TYR: variants seen among roughly 807,000 people sequenced by gnomAD.
TYR encodes tyrosinase.
Under a neutral mutation model 51.5 loss-of-function variants are expected in TYR, and 58 were observed. That is an observed-to-expected ratio of 1.13 (90% CI 0.91 to 1.40). The LOEUF (loss-of-function observed/expected upper bound fraction) is 1.40. Ranked by LOEUF, TYR falls within the 40% of genes most tolerant of loss-of-function variation. The probability of loss-of-function intolerance (pLI) is 0.00; values close to 1 mark genes in which losing one functional copy is unlikely to be tolerated. For synonymous variants in TYR, 263 were observed against 235.2 expected, an observed-to-expected ratio of 1.12 and a Z score of -1.08; for missense variants, 732 against 647.4, an observed-to-expected ratio of 1.13 and a Z score of -1.42.
At chr11:89,207,741 A>G (rs545709488) in intron 2 of TYR, among the ~76,000 whole-genome samples, 1 of 152,328 alleles carries the variant, frequency 6.6e-6, no homozygotes, top group South Asian at 2.1e-4. Flanking sequence ...TGCATATAAA[A>G]AGAATTTTAT....
intron 3 of TYR, among the ~76,000 whole-genome samples, chr11:89,229,435 G>T (rs533310988): frequency 4.6e-5 from 7 of 151,840 alleles, no homozygotes; most frequent in Non-Finnish European, 1.0e-4. Flanking sequence ...TCACTTTTTG[G>T]TGTAAATTTT....
chr11:89,232,883 G>A (rs1342284960), intron 3 of TYR, among the ~76,000 whole-genome samples: 1 of 143,182 alleles, frequency 7.0e-6, no homozygotes, highest in Non-Finnish European at 1.5e-5. Flanking sequence ...TGCTGGGGGA[G>A]GGTCTTGCCT....
At chr11:89,209,834 C>G (rs1168957162) in intron 2 of TYR, among the ~76,000 whole-genome samples, 1 of 152,074 alleles carries the variant, frequency 6.6e-6, no homozygotes, top group Non-Finnish European at 1.5e-5. Flanking sequence ...GGGTCTGGAG[C>G]GGACCTCAAG....
chr11:89,185,090 T>C (rs1943352630), intron 1 of TYR, among the ~76,000 whole-genome samples: 1 of 152,222 alleles, frequency 6.6e-6, no homozygotes, highest in Admixed American at 6.5e-5. Flanking sequence ...ATTATTATTC[T>C]ATACGTCTCG....
rs373716688 is a variant in TYR at position 89,249,924 on chromosome 11, C to A, written c.1184+21954C>A. On this transcript the variant is annotated intron_variant, in intron 3 of 4. Transcript: ENST00000263321. ...GAGTTGGAAGGAAGCTTCCTTCATG[C>A]CTGAATGGAGACACAAGATAGAGTA... is the stretch of plus-strand genomic sequence containing the variant. Among the ~76,000 whole-genome samples, 45 of 151,988 alleles carry A rather than the reference C, an allele frequency of 3.0e-4. 1 individual carries two copies. The highest frequency in any genetic ancestry group is 9.6e-4 in the African/African-American group (40 of 41,490).
intron 2 of TYR, 98 bp downstream of exon 2, chr11:89,191,516 T>C: frequency 8.3e-7 from 1 of 1,199,118 alleles, no homozygotes; most frequent in South Asian, 1.3e-5. Flanking sequence ...CAGAATTTTC[T>C]GAGTTGACCA....
chr11:89,189,544 A>T (rs1004390113), intron 1 of TYR, among the ~76,000 whole-genome samples: 1 of 152,050 alleles, frequency 6.6e-6, no homozygotes, highest in Non-Finnish European at 1.5e-5. Context: ...ATATAGATTA[A>T]TGTTTTTAAA....
At chr11:89,262,492 C>T (rs185049478) in intron 3 of TYR, among the ~76,000 whole-genome samples, 3 of 149,024 alleles carry the variant, frequency 2.0e-5, no homozygotes, top group African/African-American at 5.0e-5. Context: ...AGTAAAGACT[C>T]GAGTAGAAAT....
intron 3 of TYR, among the ~76,000 whole-genome samples, chr11:89,259,652 CT>C (rs1388896512): frequency 1.3e-5 from 2 of 152,072 alleles, no homozygotes; most frequent in Non-Finnish European, 2.9e-5. Flanking sequence ...GTTTAGACCC[CT>C]GGATCCCCTT....
chr11:89,239,714 A>C (rs2135290291), intron 3 of TYR, among the ~76,000 whole-genome samples: 1 of 152,234 alleles, frequency 6.6e-6, no homozygotes, highest in African/African-American at 2.4e-5. Flanking sequence ...CTTTTGCTGC[A>C]TCCCATAAGT....
At chr11:89,188,678 G>A (rs1026903435) in intron 1 of TYR, among the ~76,000 whole-genome samples, 2 of 151,954 alleles carry the variant, frequency 1.3e-5, no homozygotes, top group African/African-American at 4.8e-5. Context: ...TGCTAAAGTG[G>A]GTAAGGCTGA....
At chr11:89,191,719 C>G (rs1433160416) in intron 2 of TYR, among the ~76,000 whole-genome samples, 2 of 152,028 alleles carry the variant, frequency 1.3e-5, no homozygotes, top group Non-Finnish European at 2.9e-5. Flanking sequence ...ATGATTGTGT[C>G]ACTGCATTCC....
chr11:89,193,616 A>C (rs370767222), intron 2 of TYR, among the ~76,000 whole-genome samples: 2 of 152,120 alleles, frequency 1.3e-5, no homozygotes, highest in Admixed American at 6.6e-5. Context: ...AGAATCTTTC[A>C]AATTGCATCT....
chr11:89,273,252 G>T (rs1944611743), intron 3 of TYR, among the ~76,000 whole-genome samples: 1 of 151,812 alleles, frequency 6.6e-6, no homozygotes, highest in African/African-American at 2.4e-5. Context: ...GATTTAAAGT[G>T]ACTCTTCCTT....
intron 3 of TYR, among the ~76,000 whole-genome samples, chr11:89,265,978 G>A (rs1277522453): frequency 6.6e-6 from 1 of 151,964 alleles, no homozygotes; most frequent in African/African-American, 2.4e-5. Context: ...GTACATGGGA[G>A]GATATCTAAC....
intron 3 of TYR, among the ~76,000 whole-genome samples, chr11:89,275,641 G>A (rs1226931922): frequency 6.6e-6 from 1 of 151,896 alleles, no homozygotes; most frequent in Non-Finnish European, 1.5e-5. Flanking sequence ...GAACCAGGTA[G>A]CTTCCTCAGC....
chr11:89,221,001 C>T (rs906112069), intron 2 of TYR, among the ~76,000 whole-genome samples: 19 of 152,142 alleles, frequency 1.2e-4, no homozygotes, highest in African/African-American at 4.3e-4. Context: ...ACACAAAAAC[C>T]TTTCTTGAAT....
In TYR at chr11:89,191,393, T is replaced by C; in HGVS notation, c.1011T>C (p.Asn337=). The C allele has an allele frequency of 6.2e-7, 1 of 1,613,716 alleles. No individual in the cohort carries two copies. The highest frequency in any genetic ancestry group is 8.5e-7 in the Non-Finnish European group (1 of 1,179,710). ...YESGSMDKAA[N]FSFRNTLEGF... ...CTGGTTCCATGGATAAAGCTGCCAA[T>C]TTCAGCTTTAGAAATACACTGGAAG... Residue 337 remains asparagine (N), a synonymous_variant, in exon 2 of 5, where the codon AAT becomes AAC. Coordinates refer to ENST00000263321, the MANE Select transcript of TYR (RefSeq NM_000372.5).
intron 3 of TYR, among the ~76,000 whole-genome samples, chr11:89,274,318 T>A (rs1944625313): frequency 6.6e-6 from 1 of 151,964 alleles, no homozygotes; most frequent in Admixed American, 6.6e-5. Flanking sequence ...AGCAAAAATT[T>A]GCCTATGTCT....
Sources: gnomAD v4.1 joint callset for allele counts (sites outside exome capture counted in the v4.1 genomes callset) on GRCh38, gnomAD v4.1.1 for gene constraint, MANE v1.5 for transcripts, NCBI Gene and HGNC (gene_info 2026-07-23, HGNC 2026-07-21) for gene names.